The following HMGB1 variants were observed in gnomAD, a reference collection of about 807,000 sequenced individuals.
HMGB1 encodes the protein high mobility group protein B1.
For synonymous variants in HMGB1, 81 were observed against 84.0 expected (o/e 0.96, Z 0.19); for missense variants, 79 against 253.5 (o/e 0.31, Z 4.67).
chr13:30,518,295 C>T (rs752166274), intron 1 of HMGB1, among the ~76,000 whole-genome samples: 35 of 152,354 alleles, frequency 2.3e-4, no homozygotes, highest in Non-Finnish European at 3.7e-4. Flanking sequence ...TGTGTTCACG[C>T]TACTGTACTC....
chr13:30,527,728 C>T (rs900835969), intron 1 of HMGB1, among the ~76,000 whole-genome samples: 5 of 152,142 alleles, frequency 3.3e-5, no homozygotes, highest in African/African-American at 1.2e-4. Context: ...TAAATGTCCA[C>T]AAGACTCCAA....
chr13:30,558,719 T>C (rs904421621), intron 1 of HMGB1, among the ~76,000 whole-genome samples: 1 of 152,184 alleles, frequency 6.6e-6, no homozygotes, highest in African/African-American at 2.4e-5. Context: ...ACTGCAAATG[T>C]TGATCCTCAA....
chr13:30,488,540 G>A (rs1418486407), intron 1 of HMGB1, among the ~76,000 whole-genome samples: 1 of 151,700 alleles, frequency 6.6e-6, no homozygotes, highest in Non-Finnish European at 1.5e-5. Flanking sequence ...CTGGAGTGCA[G>A]TGGCCCAAAC....
intron 1 of HMGB1, among the ~76,000 whole-genome samples, chr13:30,608,463 T>C (rs191543768): frequency 5.3e-5 from 8 of 152,332 alleles, no homozygotes; most frequent in African/African-American, 1.4e-4. Context: ...GAAAGCTCTT[T>C]CATACTCCAC....
chr13:30,551,961 T>G (rs1006282567), intron 1 of HMGB1, among the ~76,000 whole-genome samples: 1 of 152,136 alleles, frequency 6.6e-6, no homozygotes, highest in African/African-American at 2.4e-5. Flanking sequence ...TCCAAAGTGC[T>G]GGGATTCCAG....
At chr13:30,468,775 C>T (rs535848115), upstream of HMGB1, among the ~76,000 whole-genome samples, 62 of 152,368 alleles carry the variant, frequency 4.1e-4, no homozygotes, top group African/African-American at 1.5e-3. Flanking sequence ...CCAACATCTT[C>T]TAGCTCTAAC....
chr13:30,469,829 C>G (rs556537330), upstream of HMGB1, among the ~76,000 whole-genome samples: 4 of 152,214 alleles, frequency 2.6e-5, no homozygotes, highest in Admixed American at 6.5e-5. Flanking sequence ...CGGGGTTTCA[C>G]CATGTTGGCC....
At chr13:30,538,497 T>TCTTTCTTTTTCTTTCTTTCTTTC (rs1868587800) in intron 1 of HMGB1, among the ~76,000 whole-genome samples, 1 of 46,880 alleles carries the variant, frequency 2.1e-5, no homozygotes, top group Admixed American at 2.5e-4. Context: ...TTTCTTTCTT[T>TCTTTCTTTTTCTTTCTTTCTTTC]CTTTCTTTCT....
intron 1 of HMGB1, among the ~76,000 whole-genome samples, chr13:30,518,345 C>T (rs1390830454): frequency 1.3e-5 from 2 of 152,134 alleles, no homozygotes; most frequent in Non-Finnish European, 2.9e-5. Flanking sequence ...ACAAGCAAAA[C>T]AAAACACTTC....
intron 1 of HMGB1, among the ~76,000 whole-genome samples, chr13:30,508,068 C>A (rs1458027170): frequency 6.6e-6 from 1 of 152,162 alleles, no homozygotes; most frequent in Admixed American, 6.5e-5. Context: ...TGAACTGTTA[C>A]TCCCATATCA....
chr13:30,547,274 G>A (rs953533850), intron 1 of HMGB1, among the ~76,000 whole-genome samples: 3 of 152,172 alleles, frequency 2.0e-5, no homozygotes, highest in Admixed American at 6.5e-5. Context: ...GTAAGGCACT[G>A]CTCCAGTTTT....
intron 1 of HMGB1, among the ~76,000 whole-genome samples, chr13:30,526,045 C>T (rs1214746650): frequency 6.6e-6 from 1 of 151,970 alleles, no homozygotes; most frequent in Non-Finnish European, 1.5e-5. Context: ...TTAAATAACC[C>T]ACATCTAACA....
intron 1 of HMGB1, among the ~76,000 whole-genome samples, chr13:30,567,561 G>A (rs1214005893): frequency 2.0e-5 from 3 of 151,826 alleles, no homozygotes; most frequent in East Asian, 3.9e-4. Context: ...CATGTTGGCC[G>A]GGCTAGTCTT....
At chr13:30,538,510 C>CTTTCTTTCCTTT (rs1164550479) in intron 1 of HMGB1, among the ~76,000 whole-genome samples, 1 of 82,230 alleles carries the variant, frequency 1.2e-5, no homozygotes, top group African/African-American at 8.6e-5. Flanking sequence ...TTCTTTCTTT[C>CTTTCTTTCCTTT]CTTTCTTTCT....
chr13:30,564,298 A>G (rs1217997194), intron 1 of HMGB1, among the ~76,000 whole-genome samples: 2 of 141,428 alleles, frequency 1.4e-5, no homozygotes, highest in Non-Finnish European at 3.0e-5. Context: ...AAAAAAAAAA[A>G]AAATTTAGCT....
chr13:30,463,130 A>AC, intron 3 of HMGB1, 77 bp downstream of exon 3: 1 of 1,388,492 alleles, frequency 7.2e-7, no homozygotes, highest in Non-Finnish European at 1.0e-6. Flanking sequence ...CTCTAAACTG[A>AC]CAAAGTAGCT....
intron 1 of HMGB1, among the ~76,000 whole-genome samples, chr13:30,572,303 C>T (rs1388188339): frequency 1.3e-5 from 2 of 152,164 alleles, no homozygotes; most frequent in East Asian, 3.8e-4. Flanking sequence ...ACTTAGCTCT[C>T]AGAGACCGTT....
Position 30,507,988 on chromosome 13 carries a change from C to T in HMGB1, c.-14-44294G>A, listed in dbSNP as rs147155586. Among the ~76,000 whole-genome samples the T allele has an allele frequency of 2.3e-3, 348 of 152,100 alleles. 1 individual carries two copies. The highest frequency in any genetic ancestry group is 8.1e-3 in the African/African-American group (337 of 41,484). On this transcript the variant is annotated intron_variant, in intron 1 of 4. Transcript: ENST00000405805. ...TTCCAGCCTGGGCCACAGAGTGAGA[C>T]TCTCTCTCTAAAAAAGAAAAAATAA...
At chr13:30,525,198 A>T (rs1888335354) in intron 1 of HMGB1, among the ~76,000 whole-genome samples, 1 of 152,230 alleles carries the variant, frequency 6.6e-6, no homozygotes, top group Non-Finnish European at 1.5e-5. Flanking sequence ...AAAGCATCTG[A>T]TCATTTAAAG....
Sources: allele counts gnomAD v4.1 joint callset (sites outside exome capture counted in the v4.1 genomes callset), GRCh38; gene constraint gnomAD v4.1.1; transcripts MANE v1.5; gene names NCBI Gene and HGNC (gene_info 2026-07-23, HGNC 2026-07-21).